MBOAT2: variants seen among roughly 807,000 people sequenced by gnomAD.
MBOAT2 encodes the protein membrane bound glycerophospholipid O-acyltransferase 2.
A neutral mutation model predicts 63.4 loss-of-function variants in MBOAT2; 28 were observed. The ratio of observed to expected loss-of-function variants is 0.44; its 90% CI spans 0.33 to 0.61. The LOEUF (loss-of-function observed/expected upper bound fraction) is 0.61. Ranked by LOEUF, MBOAT2 falls within the 20% of genes least tolerant of loss-of-function variation. The pLI, the probability that MBOAT2 is intolerant of heterozygous loss-of-function variation, is 0.03. For missense variants in MBOAT2, 470 were observed against 605.8 expected, an observed-to-expected ratio of 0.78 and a Z score of 2.35; for synonymous variants, 211 against 215.6, an observed-to-expected ratio of 0.98 and a Z score of 0.19.
rs1222615303 is a variant in MBOAT2, at chr2:8,857,065, T to C, written c.*1614A>G. 3 of 152,602 alleles carry C rather than the reference T, an allele frequency of 2.0e-5. No homozygotes were observed. The highest frequency in any genetic ancestry group is 4.4e-5 in the Non-Finnish European group (3 of 68,038). The allele number at this position is 152,602 out of a possible 1,614,324, so 9.5% of individuals were successfully genotyped here. A position where few individuals can be genotyped will look rare whatever the true frequency, so the allele number is the denominator to read the frequency against. ...ATTTGCTTTTCCTTTCTTCTTTAAA[T>C]GAAGTATTATATAGCATAAGCCAGA... is the stretch of plus-strand genomic sequence containing the variant. On this transcript the variant is annotated 3_prime_UTR_variant, in exon 13 of 13. Coordinates refer to ENST00000305997, the MANE Select transcript of MBOAT2 (RefSeq NM_138799.4).
At chr2:8,913,359 T>G (rs1368539757) in intron 3 of MBOAT2, among the ~76,000 whole-genome samples, 1 of 150,948 alleles carries the variant, frequency 6.6e-6, no homozygotes, top group Non-Finnish European at 1.5e-5. Context: ...CTGAAGAGCT[T>G]TTGCATGGCA....
At chr2:8,921,679 T>C (rs575929550) in intron 3 of MBOAT2, among the ~76,000 whole-genome samples, 4 of 152,312 alleles carry the variant, frequency 2.6e-5, no homozygotes, top group Non-Finnish European at 4.4e-5. Context: ...CTAGAACTTG[T>C]AGTTGCAAAT....
rs556157234 is a variant in MBOAT2, at chr2:8,979,623, C to T, written c.76-20981G>A. On this transcript the variant is annotated intron_variant, in intron 1 of 12. Transcript: ENST00000305997. ...ATTTTATGCAGATCATTGTATTATT[C>T]CAAATTTAGGGGGTACTGCCAATAT... Among the ~76,000 whole-genome samples, 5 of 152,146 alleles carry T rather than the reference C, an allele frequency of 3.3e-5. No homozygotes were observed. In the South Asian group the frequency reaches 1.0e-3, roughly 32 times the overall value.
intron 3 of MBOAT2, among the ~76,000 whole-genome samples, chr2:8,925,504 G>A (rs1666870705): frequency 6.6e-6 from 1 of 152,222 alleles, no homozygotes; most frequent in South Asian, 2.1e-4. Context: ...TTGAGCAAAA[G>A]ATGAGCTGTC....
intron 2 of MBOAT2, among the ~76,000 whole-genome samples, chr2:8,952,993 G>A (rs983582534): frequency 6.6e-6 from 1 of 152,102 alleles, no homozygotes; most frequent in Non-Finnish European, 1.5e-5. Flanking sequence ...TGATATGTGA[G>A]GTTTTCATTC....
chr2:8,924,947 A>G (rs777495621), intron 3 of MBOAT2, among the ~76,000 whole-genome samples: 25 of 152,268 alleles, frequency 1.6e-4, no homozygotes, highest in Admixed American at 3.3e-4. Context: ...ACAGTCCCCA[A>G]TTCAAGCTCT....
chr2:8,995,430 AT>A (rs969767942), intron 1 of MBOAT2, among the ~76,000 whole-genome samples: 5 of 152,192 alleles, frequency 3.3e-5, no homozygotes, highest in African/African-American at 1.2e-4. Flanking sequence ...TCCAACTTTA[AT>A]ATTGTCTTGT....
At chr2:8,969,545 C>T (rs973528795) in intron 1 of MBOAT2, among the ~76,000 whole-genome samples, 4 of 152,142 alleles carry the variant, frequency 2.6e-5, no homozygotes, top group African/African-American at 9.7e-5. Flanking sequence ...TGTAAATGGG[C>T]TAAATGCTCC....
chr2:8,955,163 T>C (rs1280247077), intron 2 of MBOAT2, among the ~76,000 whole-genome samples: 1 of 152,202 alleles, frequency 6.6e-6, no homozygotes, highest in Non-Finnish European at 1.5e-5. Context: ...TACACTGCCA[T>C]GCTGCTGAGT....
At chr2:8,962,677 T>C (rs1325643452) in intron 1 of MBOAT2, among the ~76,000 whole-genome samples, 1 of 149,726 alleles carries the variant, frequency 6.7e-6, no homozygotes, top group Admixed American at 6.7e-5. Flanking sequence ...AAACTAAAAC[T>C]ATATATATAT....
intron 1 of MBOAT2, among the ~76,000 whole-genome samples, chr2:8,976,675 C>T (rs1040402244): frequency 1.3e-5 from 2 of 152,104 alleles, no homozygotes; most frequent in African/African-American, 2.4e-5. Flanking sequence ...CCATAAAGCG[C>T]GTTCAGAGCG....
At chr2:8,982,119 C>G (rs1327861544) in intron 1 of MBOAT2, among the ~76,000 whole-genome samples, 1 of 152,134 alleles carries the variant, frequency 6.6e-6, no homozygotes, top group Non-Finnish European at 1.5e-5. Context: ...AGCGAGATAA[C>G]CCATGGCAGG....
At chr2:8,883,300 G>C (rs1439589777) in intron 5 of MBOAT2, among the ~76,000 whole-genome samples, 21 of 151,974 alleles carry the variant, frequency 1.4e-4, no homozygotes, top group Non-Finnish European at 7.4e-5. Context: ...ACAAATCGTA[G>C]AATACATGTA....
At chr2:8,888,439 T>C (rs1359389257) in intron 4 of MBOAT2, among the ~76,000 whole-genome samples, 1 of 152,190 alleles carries the variant, frequency 6.6e-6, no homozygotes, top group Non-Finnish European at 1.5e-5. Flanking sequence ...TCTCCTGCTT[T>C]CTGCTCAGTA....
In MBOAT2 at chr2:8,873,188, G is replaced by T. The variant is rs1279626680; in HGVS notation, c.803C>A (p.Ala268Asp). 2 of 1,614,054 alleles carry T rather than the reference G, an allele frequency of 1.2e-6. No homozygotes were observed. The highest frequency in any genetic ancestry group is 1.7e-6 in the Non-Finnish European group (2 of 1,180,028). ...YNIDEHFQAT[A>D]SWPTKIIYLY... The stretch of plus-strand genomic sequence containing the variant: ...ATAGATAATCTTTGTTGGCCACGAA[G>T]CTGTAGCTTGAAAATGCTCATCAAT... Residue 268 changes from alanine to aspartate, a missense_variant, in exon 8 of 13, where the codon GCT (alanine) becomes GAT (aspartate). Ala to Asp is a moderately radical substitution (Grantham distance 126). This residue lies in a region of MBOAT2 where 376 missense variants were observed against 503.8 expected (regional missense o/e 0.75). Coordinates refer to ENST00000305997, the MANE Select transcript of MBOAT2 (RefSeq NM_138799.4).
At position 8,958,348 on chromosome 2, in the gene MBOAT2, CA is replaced by C. The variant is rs1669373738; in HGVS notation, c.221+148del. On this transcript the variant is annotated intron_variant, in intron 2 of 12. Transcript: ENST00000305997. ...ATTTCCCATTCGTTATTTTTTGTTT[CA>C]AAAATAAAAATATGAAAGTTGGCCT... 3 of 750,024 alleles carry C rather than the reference CA, an allele frequency of 4.0e-6. No homozygotes were observed. The East Asian group carries it at 8.4e-5, about 21-fold the overall frequency. 46.5% of individuals were successfully genotyped at this position (750,024 alleles called of 1,614,324 possible).
intron 1 of MBOAT2, among the ~76,000 whole-genome samples, chr2:8,965,259 T>C (rs1211360389): frequency 6.6e-6 from 1 of 152,204 alleles, no homozygotes; most frequent in Non-Finnish European, 1.5e-5. Flanking sequence ...TCTATACCTA[T>C]TTCCTACTTA....
At chr2:8,983,586 C>A (rs1411485811) in intron 1 of MBOAT2, among the ~76,000 whole-genome samples, 1 of 152,060 alleles carries the variant, frequency 6.6e-6, no homozygotes, top group Non-Finnish European at 1.5e-5. Flanking sequence ...AAGAGACATG[C>A]GAACTAAATG....
intron 1 of MBOAT2, among the ~76,000 whole-genome samples, chr2:8,968,962 A>G (rs985344650): frequency 6.6e-6 from 1 of 152,230 alleles, no homozygotes; most frequent in Admixed American, 6.5e-5. Flanking sequence ...TCTGCAGGAT[A>G]TTATCCAGAA....
Sources: gnomAD v4.1 joint callset for allele counts (sites outside exome capture counted in the v4.1 genomes callset) on GRCh38, gnomAD v4.1.1 for gene constraint, gnomAD v4.1.1 regional missense constraint, MANE v1.5 for transcripts, NCBI Gene and HGNC (gene_info 2026-07-23, HGNC 2026-07-21) for gene names.